The following BCAR1 variants were observed in gnomAD, a reference collection of about 807,000 sequenced individuals.
The protein encoded by BCAR1 is breast cancer anti-estrogen resistance protein 1.
BCAR1 carries 30 observed loss-of-function variants against 67.6 expected under a neutral mutation model. The ratio of observed to expected loss-of-function variants is 0.44; its 90% CI spans 0.33 to 0.60. The LOEUF (loss-of-function observed/expected upper bound fraction) is 0.60. BCAR1 is among the 20% of genes least tolerant of loss of function. The probability of loss-of-function intolerance (pLI) is 0.02; values close to 1 mark genes in which losing one functional copy is unlikely to be tolerated. For missense variants in BCAR1, 1,313 were observed against 1,222.3 expected, an observed-to-expected ratio of 1.07 and a Z score of -1.11; for synonymous variants, 626 against 556.7, an observed-to-expected ratio of 1.12 and a Z score of -1.75.
chr16:75,259,640 CAGG>C (rs758789178), intron 1 of BCAR1, among the ~76,000 whole-genome samples: 1 of 151,844 alleles, frequency 6.6e-6, no homozygotes, highest in South Asian at 2.1e-4. Context: ...ATCACGAGGT[CAGG>C]AGATTGAGAC....
intron 6 of BCAR1, among the ~76,000 whole-genome samples, chr16:75,230,846 G>A (rs2076877381): frequency 6.6e-6 from 1 of 152,152 alleles, no homozygotes; most frequent in Admixed American, 6.5e-5. Context: ...CCATCTCTCC[G>A]TTCCCTTAGC....
rs1029878318 is a variant in BCAR1 at position 75,229,117 on chromosome 16, T to C, written c.*394A>G. 2 of 193,038 alleles carry C rather than the reference T, an allele frequency of 1.0e-5. No homozygotes were observed. The highest frequency in any genetic ancestry group is 2.1e-5 in the Non-Finnish European group (2 of 95,852). 12.0% of individuals were successfully genotyped at this position (193,038 alleles called of 1,614,324 possible). ...TAACGAAAAATAGTTCTTCAGGTTCTTCTCCTGGTAAGGCGGAGGACACAC... is the reference window on the plus strand; with the variant it reads ...TAACGAAAAATAGTTCTTCAGGTTCCTCTCCTGGTAAGGCGGAGGACACAC... On this transcript the variant is annotated 3_prime_UTR_variant, in exon 7 of 7. Coordinates refer to ENST00000162330, the MANE Select transcript of BCAR1 (RefSeq NM_014567.5).
intron 1 of BCAR1, chr16:75,264,359 C>A: frequency 6.6e-7 from 1 of 1,525,266 alleles, no homozygotes; most frequent in Non-Finnish European, 8.8e-7. Flanking sequence ...ACCGGCCCTC[C>A]AGCAGGCTCA....
At chr16:75,254,684 T>C (rs903813265), upstream of BCAR1, among the ~76,000 whole-genome samples, 7 of 152,170 alleles carry the variant, frequency 4.6e-5, no homozygotes, top group African/African-American at 9.7e-5. Flanking sequence ...GCTGCAGATA[T>C]GTGGCCGGGG....
In BCAR1 at chr16:75,264,471, AAC is replaced by A. The variant is rs1457898799; in HGVS notation, c.66+3442_66+3443del. ...AGTCCAGAACTTTCCAGGAGAGCAG[AAC>A]AGAAGAGAGGAAGGGCTTGGCAGGC... On this transcript the variant is annotated intron_variant, in intron 1 of 6. Coordinates refer to the BCAR1 transcript ENST00000393422. 8.8e-6 allele frequency: 13 copies of A among 1,479,954 alleles called. No individual in the cohort carries two copies. In the Admixed American group the frequency reaches 9.7e-5, roughly 11 times the overall value. 91.7% of individuals were successfully genotyped at this position (1,479,954 alleles called of 1,614,324 possible).
intron 1 of BCAR1, chr16:75,266,836 C>A: frequency 1.6e-6 from 2 of 1,276,040 alleles, no homozygotes; most frequent in Non-Finnish European, 2.0e-6. Flanking sequence ...CGCTGCCCAC[C>A]CCAGGGAGGA....
intron 6 of BCAR1, 75 bp downstream of exon 6, chr16:75,233,771 G>C: frequency 6.8e-7 from 1 of 1,466,888 alleles, no homozygotes; most frequent in Non-Finnish European, 9.2e-7. Context: ...CCCGGGGTCG[G>C]CCCTGCAGGG....
chr16:75,255,493 C>G (rs555965845), upstream of BCAR1, among the ~76,000 whole-genome samples: 3 of 152,076 alleles, frequency 2.0e-5, no homozygotes, highest in Admixed American at 2.0e-4. Flanking sequence ...TTTAGGAGGT[C>G]GAGACTAGCC....
chr16:75,252,456 AC>A, upstream of BCAR1: 1 of 1,417,228 alleles, frequency 7.1e-7, no homozygotes, highest in South Asian at 1.5e-5. Context: ...AGTGGAGACA[AC>A]CTTGGCTCTC....
rs763819218 is a variant in BCAR1 at position 75,229,933 on chromosome 16, C to G, written c.2191G>C (p.Gly731Arg). ...GAGGGCCCCAGGCCGCCTGTTCGCC[C>G]CGGGGCCAGGGGTTGGGCTGGCGTC... ...NWTPAQPLAP[G>R]RTGGLGPSDR... is the part of the protein sequence containing the mutation. The change falls in exon 7 of 7, where the codon GGG becomes CGG. Residue 731 changes from glycine (G) to arginine (R), a missense_variant. This residue lies in a region of BCAR1 where 1,272 missense variants were observed against 1,137.5 expected (regional missense o/e 1.12). Coordinates refer to ENST00000162330, the MANE Select transcript of BCAR1 (RefSeq NM_014567.5). The G allele has an allele frequency of 6.2e-7, 1 of 1,605,402 alleles. No homozygotes were observed. The highest frequency in any genetic ancestry group is 8.5e-7 in the Non-Finnish European group (1 of 1,173,986).
In BCAR1 at chr16:75,228,525, G is replaced by A. The variant is rs1294303229; in HGVS notation, c.*986C>T. On this transcript the variant is annotated 3_prime_UTR_variant, in exon 7 of 7. Transcript: ENST00000162330. The stretch of plus-strand genomic sequence containing the variant: ...CTCCAAGCCCCTCCCTCCCAACTCA[G>A]ATGCCAGGTCCAGGTATAATTCCAT... The A allele has an allele frequency of 1.3e-5, 2 of 152,386 alleles. No individual in the cohort carries two copies. Among genetic ancestry groups the A allele is most frequent in the African/African-American group, 2.4e-5 (1 of 41,472 alleles). 9.4% of individuals were successfully genotyped at this position (152,386 alleles called of 1,614,324 possible). A position where few individuals can be genotyped will look rare whatever the true frequency, so the allele number is the denominator to read the frequency against.
In BCAR1 at chr16:75,233,948, GAC is replaced by G. The variant is rs1291627214; in HGVS notation, c.2011-15_2011-14del. The G allele has an allele frequency of 6.3e-7, 1 of 1,592,622 alleles. No homozygotes were observed. The highest frequency in any genetic ancestry group is 8.6e-7 in the Non-Finnish European group (1 of 1,168,412). On this transcript the variant is annotated splice_polypyrimidine_tract_variant and intron_variant, in intron 5 of 6. Coordinates refer to ENST00000162330, the MANE Select transcript of BCAR1 (RefSeq NM_014567.5). ...ACTCCTCCTTCCCCTGGAGGGCAGA[GAC>G]AGGGGCTGCGCTGAGGCCAGTTTTC...
intron 2 of BCAR1, chr16:75,238,850 G>A (rs994592115): frequency 1.9e-5 from 19 of 985,288 alleles, no homozygotes; most frequent in Middle Eastern, 5.2e-4. Context: ...GCTGGGCCTC[G>A]AGGCACGGCC....
chr16:75,266,604 C>T, intron 1 of BCAR1: 3 of 739,162 alleles, frequency 4.1e-6, no homozygotes, highest in Non-Finnish European at 5.6e-6. Context: ...ACACATGGCA[C>T]CTGCAGCCAC....
chr16:75,267,525 G>A (rs973155251), intron 1 of BCAR1, among the ~76,000 whole-genome samples: 35 of 152,174 alleles, frequency 2.3e-4, no homozygotes, highest in African/African-American at 8.4e-4. Flanking sequence ...TGAGCTGGGA[G>A]CAGCAGCTCT....
intron 1 of BCAR1, chr16:75,251,007 C>G (rs1417241327): frequency 1.0e-6 from 1 of 985,628 alleles, no homozygotes; most frequent in Non-Finnish European, 1.2e-6. Context: ...CACTTGCCCG[C>G]CCGGCCTCGG....
intron 2 of BCAR1, among the ~76,000 whole-genome samples, chr16:75,241,188 G>T (rs1277869484): frequency 6.6e-6 from 1 of 152,218 alleles, no homozygotes; most frequent in Non-Finnish European, 1.5e-5. Context: ...TACACATATG[G>T]GGTTTGGGTG....
chr16:75,262,438 T>C (rs1317992037), intron 1 of BCAR1, among the ~76,000 whole-genome samples: 2 of 152,132 alleles, frequency 1.3e-5, no homozygotes, highest in African/African-American at 4.8e-5. Context: ...GGCGCAGAGC[T>C]TGAGGTGAAT....
rs1015385782 is a variant in BCAR1 at position 75,248,281 on chromosome 16, C to T, written c.12+3190G>A. 64 of 1,434,638 alleles carry T rather than the reference C, an allele frequency of 4.5e-5. 1 individual carries two copies. Among genetic ancestry groups the T allele is most frequent in the Non-Finnish European group, 1.8e-5 (20 of 1,098,680 alleles). 88.9% of individuals were successfully genotyped at this position (1,434,638 alleles called of 1,614,324 possible). A position where few individuals can be genotyped will look rare whatever the true frequency, so the allele number is the denominator to read the frequency against. On this transcript the variant is annotated intron_variant, in intron 1 of 6. Transcript: ENST00000162330. ...CACGCCCCCAACGCACACATGCACC[C>T]GCCCCAGCACAGAGCCTCGCACATA...
Sources: gnomAD v4.1 joint callset for allele counts (sites outside exome capture counted in the v4.1 genomes callset) on GRCh38, gnomAD v4.1.1 for gene constraint, gnomAD v4.1.1 regional missense constraint, MANE v1.5 for transcripts, NCBI Gene and HGNC (gene_info 2026-07-23, HGNC 2026-07-21) for gene names.